ADAM22: variants seen among roughly 807,000 people sequenced by gnomAD.
ADAM22 encodes the protein disintegrin and metalloproteinase domain-containing protein 22.
In ADAM22, 65 loss-of-function variants were observed where a neutral mutation model predicts 144.6. The ratio of observed to expected loss-of-function variants is 0.45; its 90% CI spans 0.37 to 0.55. The LOEUF is 0.55. Ranked by LOEUF, ADAM22 falls within the 20% of genes least tolerant of loss-of-function variation. The pLI is 0.00. For synonymous variants in ADAM22, 391 were observed against 412.6 expected (o/e 0.95, Z 0.63); for missense variants, 974 against 1,184.9 (o/e 0.82, Z 2.61).
intron 25 of ADAM22, among the ~76,000 whole-genome samples, chr7:88,170,132 C>T (rs1006193232): frequency 4.6e-5 from 7 of 151,996 alleles, no homozygotes; most frequent in African/African-American, 1.7e-4. Flanking sequence ...TTAATAAGAT[C>T]CACTTAGCTG....
At chr7:88,025,705 T>C (rs1188315391) in intron 3 of ADAM22, among the ~76,000 whole-genome samples, 2 of 152,238 alleles carry the variant, frequency 1.3e-5, no homozygotes, top group Non-Finnish European at 1.5e-5. Flanking sequence ...CTTGGTTCTC[T>C]ATTTTTTTAC....
chr7:88,014,601 G>A (rs112808220), intron 3 of ADAM22, among the ~76,000 whole-genome samples: 2 of 152,208 alleles, frequency 1.3e-5, no homozygotes, highest in East Asian at 3.9e-4. Flanking sequence ...AAATTAGTCA[G>A]GGGTGGTGGC....
intron 3 of ADAM22, among the ~76,000 whole-genome samples, chr7:88,049,756 A>T (rs1233121907): frequency 6.6e-6 from 1 of 152,190 alleles, no homozygotes. Flanking sequence ...GAAAGGGATG[A>T]TTTTTACCTT....
chr7:88,189,259 T>G (rs1849044796), intron 30 of ADAM22, among the ~76,000 whole-genome samples: 2 of 152,154 alleles, frequency 1.3e-5, no homozygotes, highest in South Asian at 4.1e-4. Flanking sequence ...CTGGATGCAG[T>G]TCTGTTATAA....
intron 3 of ADAM22, among the ~76,000 whole-genome samples, chr7:88,050,034 C>T (rs1395963042): frequency 6.6e-6 from 1 of 151,718 alleles, no homozygotes; most frequent in Admixed American, 6.6e-5. Flanking sequence ...ACTCTAACCT[C>T]AAGATGCTTT....
chr7:88,178,246 T>C (rs1260550514), intron 26 of ADAM22, among the ~76,000 whole-genome samples: 1 of 152,182 alleles, frequency 6.6e-6, no homozygotes, highest in Admixed American at 6.5e-5. Flanking sequence ...AATATACTTC[T>C]ATAGTTTCAG....
intron 3 of ADAM22, among the ~76,000 whole-genome samples, chr7:88,051,565 G>A (rs1028446350): frequency 2.6e-4 from 40 of 151,226 alleles, no homozygotes; most frequent in African/African-American, 9.0e-4. Flanking sequence ...GTGGGGGGAG[G>A]AGGGAGGGAT....
intron 17 of ADAM22, among the ~76,000 whole-genome samples, chr7:88,146,962 C>T (rs1373786071): frequency 6.6e-6 from 1 of 152,198 alleles, no homozygotes; most frequent in African/African-American, 2.4e-5. Context: ...ATTCTGTCAG[C>T]TTTTTCCACT....
rs151041182 is a variant in ADAM22 at position 88,165,267 on chromosome 7, T to C, written c.2077-565T>C. On this transcript the variant is annotated intron_variant, in intron 23 of 31. Coordinates refer to ENST00000413139, the MANE Select transcript of ADAM22 (RefSeq NM_001324418.2). ...ATATGAATCTTTTTTCTATACTCAA[T>C]TCGTGGGAGTTCTTAGTTCCCCTGA... 3.9e-5 allele frequency among the ~76,000 whole-genome samples: 6 copies of C among 152,250 alleles called. No individual in the cohort carries two copies. The East Asian group carries it at 1.2e-3, about 29-fold the overall frequency.
At chr7:88,034,365 G>A (rs932046413) in intron 3 of ADAM22, among the ~76,000 whole-genome samples, 1 of 152,168 alleles carries the variant, frequency 6.6e-6, no homozygotes, top group East Asian at 1.9e-4. Context: ...AGGGCCTCAC[G>A]ACTCTTCCCA....
chr7:88,114,261 C>T (rs974897565), intron 5 of ADAM22, among the ~76,000 whole-genome samples: 9 of 152,084 alleles, frequency 5.9e-5, no homozygotes, highest in Non-Finnish European at 8.8e-5. Flanking sequence ...GAAAGAGCTG[C>T]GTTTTTACTA....
At chr7:87,946,459 C>T (rs146196560) in intron 2 of ADAM22, among the ~76,000 whole-genome samples, 5 of 152,274 alleles carry the variant, frequency 3.3e-5, no homozygotes, top group African/African-American at 1.2e-4. Context: ...GGCCGATTTC[C>T]AGAATGGTGT....
At chr7:88,084,493 T>C (rs1032247660) in intron 4 of ADAM22, among the ~76,000 whole-genome samples, 1 of 152,180 alleles carries the variant, frequency 6.6e-6, no homozygotes, top group Non-Finnish European at 1.5e-5. Flanking sequence ...AATTCTCCTC[T>C]GGGTTTTTCC....
intron 3 of ADAM22, among the ~76,000 whole-genome samples, chr7:88,014,732 G>A (rs1796179036): frequency 6.6e-6 from 1 of 152,220 alleles, no homozygotes; most frequent in African/African-American, 2.4e-5. Flanking sequence ...CTGAGAAGTT[G>A]CTTTGAGAGC....
intron 4 of ADAM22, among the ~76,000 whole-genome samples, chr7:88,093,542 T>A (rs1399982841): frequency 6.6e-6 from 1 of 152,100 alleles, no homozygotes; most frequent in Non-Finnish European, 1.5e-5. Context: ...TCTTTCTTTT[T>A]GTTGTTGTTG....
chr7:87,996,367 G>A (rs766772228), intron 3 of ADAM22, among the ~76,000 whole-genome samples: 78 of 152,304 alleles, frequency 5.1e-4, no homozygotes, highest in Non-Finnish European at 9.0e-4. Context: ...CTGTCTTATT[G>A]AGGGCCTTCT....
chr7:88,031,760 G>C (rs1427026122), intron 3 of ADAM22, among the ~76,000 whole-genome samples: 1 of 152,254 alleles, frequency 6.6e-6, no homozygotes, highest in African/African-American at 2.4e-5. Flanking sequence ...TGGAAGGGAA[G>C]AATGATTTTA....
intron 3 of ADAM22, among the ~76,000 whole-genome samples, chr7:88,070,894 C>T (rs1268916726): frequency 6.6e-6 from 1 of 152,028 alleles, no homozygotes; most frequent in Non-Finnish European, 1.5e-5. Flanking sequence ...AATGAGGGAG[C>T]ACAGTAGAGA....
At chr7:87,960,311 A>G (rs766899063) in intron 2 of ADAM22, among the ~76,000 whole-genome samples, 1 of 152,100 alleles carries the variant, frequency 6.6e-6, no homozygotes, top group Non-Finnish European at 1.5e-5. Context: ...TGATGAAAGT[A>G]TTCAGTGTTC....
Sources: gnomAD v4.1 joint callset for allele counts (sites outside exome capture counted in the v4.1 genomes callset) on GRCh38, gnomAD v4.1.1 for gene constraint, MANE v1.5 for transcripts, NCBI Gene and HGNC (gene_info 2026-07-23, HGNC 2026-07-21) for gene names.